Variants in FSIP1 observed in about 807,000 individuals in gnomAD.
The protein encoded by FSIP1 is fibrous sheath interacting protein 1.
Under a neutral mutation model 60.9 loss-of-function variants are expected in FSIP1, and 65 were observed. That is an observed-to-expected ratio of 1.07 (90% CI 0.87 to 1.31). The LOEUF (loss-of-function observed/expected upper bound fraction) is 1.31, where lower values mean the gene tolerates loss of function less well. Ranked by LOEUF, FSIP1 falls within the 40% of genes most tolerant of loss-of-function variation. FSIP1 has a pLI of 0.00. For missense variants in FSIP1, 675 were observed against 665.5 expected (o/e 1.01, Z -0.16); for synonymous variants, 209 against 221.2 (o/e 0.94, Z 0.49).
intron 10 of FSIP1, among the ~76,000 whole-genome samples, chr15:39,704,219 T>C (rs909145020): frequency 1.3e-5 from 2 of 152,236 alleles, no homozygotes; most frequent in Non-Finnish European, 2.9e-5. Flanking sequence ...AGTGTTATTA[T>C]TTTATCCACA....
chr15:39,676,504 G>A (rs1156421909), intron 10 of FSIP1, among the ~76,000 whole-genome samples: 2 of 152,164 alleles, frequency 1.3e-5, no homozygotes, highest in Non-Finnish European at 2.9e-5. Context: ...AAGACTGTGT[G>A]CTCTGGATAT....
intron 1 of FSIP1, among the ~76,000 whole-genome samples, chr15:39,779,836 G>A (rs1241993775): frequency 1.3e-5 from 2 of 152,090 alleles, no homozygotes; most frequent in Non-Finnish European, 2.9e-5. Flanking sequence ...GCTATAATTT[G>A]GTATTTTGAG....
intron 10 of FSIP1, among the ~76,000 whole-genome samples, chr15:39,624,225 A>G (rs1350721504): frequency 6.6e-6 from 1 of 152,188 alleles, no homozygotes; most frequent in African/African-American, 2.4e-5. Context: ...AAAATATCAT[A>G]TTTTTGAACT....
chr15:39,623,128 C>T (rs1031218907), intron 10 of FSIP1, among the ~76,000 whole-genome samples: 3 of 151,982 alleles, frequency 2.0e-5, no homozygotes, highest in Admixed American at 6.5e-5. Flanking sequence ...AGGAATGCAA[C>T]TTGTAATTGC....
At chr15:39,730,505 G>C (rs928440407) in intron 8 of FSIP1, among the ~76,000 whole-genome samples, 12 of 152,196 alleles carry the variant, frequency 7.9e-5, no homozygotes, top group African/African-American at 2.9e-4. Context: ...ATTTCACGAT[G>C]TTAATACCAG....
intron 10 of FSIP1, among the ~76,000 whole-genome samples, chr15:39,697,015 T>C (rs1187699947): frequency 5.3e-5 from 8 of 152,106 alleles, no homozygotes; most frequent in Admixed American, 5.2e-4. Context: ...TATGCTTGTA[T>C]GCATAATTTT....
intron 10 of FSIP1, among the ~76,000 whole-genome samples, chr15:39,672,951 T>A (rs1893779317): frequency 6.6e-6 from 1 of 152,150 alleles, no homozygotes; most frequent in African/African-American, 2.4e-5. Context: ...GAAGAAATGG[T>A]CAGGCCTTCT....
At chr15:39,763,573 T>G (rs955466413) in intron 5 of FSIP1, among the ~76,000 whole-genome samples, 1 of 152,196 alleles carries the variant, frequency 6.6e-6, no homozygotes, top group African/African-American at 2.4e-5. Flanking sequence ...TACTTTTGTC[T>G]ATTTCCCAGT....
Position 39,628,904 on chromosome 15 carries a change from T to C in FSIP1, c.1189-10659A>G, listed in dbSNP as rs561778972. The stretch of plus-strand genomic sequence containing the variant: ...AATACTAACAAGCAACAATTTGCAA[T>C]AGCATGAAATACCTGCGTGAAGCTG... On this transcript the variant is annotated intron_variant, in intron 10 of 11. Coordinates refer to ENST00000350221, the MANE Select transcript of FSIP1 (RefSeq NM_152597.5). 1.1e-3 allele frequency among the ~76,000 whole-genome samples: 170 copies of C among 152,316 alleles called. 2 individuals carry two copies. Among genetic ancestry groups the C allele is most frequent in the African/African-American group, 3.8e-3 (156 of 41,572 alleles).
chr15:39,762,208 T>A (rs1897524536), intron 5 of FSIP1, among the ~76,000 whole-genome samples: 1 of 152,228 alleles, frequency 6.6e-6, no homozygotes, highest in African/African-American at 2.4e-5. Context: ...GGAAATTTAT[T>A]CTCTACAGTT....
chr15:39,632,800 T>C (rs909451957), intron 10 of FSIP1, among the ~76,000 whole-genome samples: 1 of 151,832 alleles, frequency 6.6e-6, no homozygotes, highest in African/African-American at 2.4e-5. Flanking sequence ...CAAAAAAAAA[T>C]AAATAAATAA....
intron 11 of FSIP1, chr15:39,602,379 C>T: frequency 2.2e-6 from 1 of 455,710 alleles, no homozygotes; most frequent in Non-Finnish European, 4.4e-6. Context: ...CTTGGTGACA[C>T]CTTGATTTCA....
At chr15:39,657,064 C>A (rs59628570) in intron 10 of FSIP1, among the ~76,000 whole-genome samples, 18,479 of 152,242 alleles carry the variant, frequency 0.12, 1,360 homozygotes, top group Non-Finnish European at 0.17. Flanking sequence ...CACCTGGGAC[C>A]CTTCCACAAA....
chr15:39,677,625 T>C (rs1331552476), intron 10 of FSIP1, among the ~76,000 whole-genome samples: 1 of 152,198 alleles, frequency 6.6e-6, no homozygotes, highest in Non-Finnish European at 1.5e-5. Context: ...TAGAGTATTA[T>C]ATCTAATAGC....
intron 1 of FSIP1, among the ~76,000 whole-genome samples, chr15:39,778,728 C>G (rs550731816): frequency 6.6e-6 from 1 of 152,034 alleles, no homozygotes; most frequent in Admixed American, 6.5e-5. Flanking sequence ...CAAAAGGAAG[C>G]GAGTAGTATC....
intron 11 of FSIP1, among the ~76,000 whole-genome samples, chr15:39,610,596 G>A (rs1410081567): frequency 6.6e-6 from 1 of 152,204 alleles, no homozygotes; most frequent in African/African-American, 2.4e-5. Flanking sequence ...AACCCAGGAG[G>A]CAGAGGCTGC....
intron 11 of FSIP1, among the ~76,000 whole-genome samples, chr15:39,605,894 G>A (rs1177643687): frequency 6.6e-6 from 1 of 152,194 alleles, no homozygotes; most frequent in African/African-American, 2.4e-5. Context: ...AGGAAACCAA[G>A]GTGTAGAGGA....
At chr15:39,692,517 A>T (rs1332871918) in intron 10 of FSIP1, among the ~76,000 whole-genome samples, 1 of 152,168 alleles carries the variant, frequency 6.6e-6, no homozygotes, top group African/African-American at 2.4e-5. Context: ...TCAATTCTAC[A>T]TCCTAAATAA....
intron 10 of FSIP1, among the ~76,000 whole-genome samples, chr15:39,707,846 C>T (rs1310222035): frequency 6.6e-6 from 1 of 152,066 alleles, no homozygotes; most frequent in Non-Finnish European, 1.5e-5. Flanking sequence ...AACCACCAAG[C>T]CCCCTATATA....
Sources: allele counts gnomAD v4.1 joint callset (sites outside exome capture counted in the v4.1 genomes callset), GRCh38; gene constraint gnomAD v4.1.1; transcripts MANE v1.5; gene names NCBI Gene and HGNC (gene_info 2026-07-23, HGNC 2026-07-21).